SEMA5A: variants seen among roughly 807,000 people sequenced by gnomAD.
SEMA5A encodes semaphorin 5A, also known as semaphorin-5A.
Under a neutral mutation model 135.5 loss-of-function variants are expected in SEMA5A, and 55 were observed. The ratio of observed to expected loss-of-function variants is 0.41; its 90% CI spans 0.33 to 0.51. The LOEUF is 0.51. Among genes scored for constraint, SEMA5A ranks in the 20% least tolerant of loss-of-function variants. SEMA5A has a pLI of 0.37. For synonymous variants in SEMA5A, 580 were observed against 546.5 expected (o/e 1.06, Z -0.85); for missense variants, 1,290 against 1,419.9 (o/e 0.91, Z 1.47).
chr5:9,264,747 C>T (rs1356939807), intron 5 of SEMA5A, among the ~76,000 whole-genome samples: 3 of 152,296 alleles, frequency 2.0e-5, no homozygotes, highest in East Asian at 1.9e-4. Flanking sequence ...AAAGGAAGCA[C>T]ATCTCTGTTT....
At chr5:9,118,588 C>T (rs1740641561) in intron 15 of SEMA5A, among the ~76,000 whole-genome samples, 2 of 152,144 alleles carry the variant, frequency 1.3e-5, no homozygotes, top group African/African-American at 4.8e-5. Flanking sequence ...AACCCTACCG[C>T]ACCTGCCCAG....
chr5:9,177,060 T>C (rs1744244563), intron 11 of SEMA5A, among the ~76,000 whole-genome samples: 1 of 152,224 alleles, frequency 6.6e-6, no homozygotes, highest in Non-Finnish European at 1.5e-5. Flanking sequence ...ACCCAGCATG[T>C]GGGTGCCACT....
chr5:9,250,118 G>A (rs1748695387), intron 5 of SEMA5A, among the ~76,000 whole-genome samples: 1 of 152,186 alleles, frequency 6.6e-6, no homozygotes, highest in Non-Finnish European at 1.5e-5. Context: ...CAGTGTGGCT[G>A]TAGTGGTGAA....
Position 9,042,610 on chromosome 5 carries a change from T to A in SEMA5A, c.*287A>T. On this transcript the variant is annotated 3_prime_UTR_variant, in exon 23 of 23. Transcript: ENST00000382496. ...TGTGGGTGGCACATTTATAAAATAATGCTCAAAAAACAAACCAATGGACTT... is the reference window on the plus strand; with the variant it reads ...TGTGGGTGGCACATTTATAAAATAAAGCTCAAAAAACAAACCAATGGACTT... 1 of 358,006 alleles carries A rather than the reference T, an allele frequency of 2.8e-6. No homozygotes were observed. Among genetic ancestry groups the A allele is most frequent in the South Asian group, 3.1e-5 (1 of 31,766 alleles). 22.2% of individuals were successfully genotyped at this position (358,006 alleles called of 1,614,324 possible).
chr5:9,053,110 T>A (rs532995741), intron 19 of SEMA5A, among the ~76,000 whole-genome samples: 1 of 152,344 alleles, frequency 6.6e-6, no homozygotes, highest in South Asian at 2.1e-4. Context: ...TGTGTTTCAA[T>A]GTCAAAGTTA....
intron 18 of SEMA5A, among the ~76,000 whole-genome samples, chr5:9,061,105 T>C (rs1416436175): frequency 6.6e-6 from 1 of 151,760 alleles, no homozygotes; most frequent in Non-Finnish European, 1.5e-5. Flanking sequence ...CCTTGGTGGA[T>C]ATAGCCACTG....
chr5:9,208,374 C>T (rs970400352), intron 8 of SEMA5A, among the ~76,000 whole-genome samples: 3 of 152,194 alleles, frequency 2.0e-5, no homozygotes, highest in African/African-American at 7.2e-5. Flanking sequence ...CATTTCCTCA[C>T]TGCCTCAAGG....
At chr5:9,246,889 C>T (rs1164834430) in intron 5 of SEMA5A, among the ~76,000 whole-genome samples, 1 of 152,138 alleles carries the variant, frequency 6.6e-6, no homozygotes, top group African/African-American at 2.4e-5. Flanking sequence ...CAGTTAACTA[C>T]TGACAATAAT....
chr5:9,054,884 T>C (rs573854698), intron 18 of SEMA5A, among the ~76,000 whole-genome samples: 119 of 152,266 alleles, frequency 7.8e-4, no homozygotes, highest in Middle Eastern at 3.4e-3. Flanking sequence ...TAAATGACTA[T>C]AGAGAGGAAT....
At chr5:9,338,214 G>C (rs1272229169) in intron 3 of SEMA5A, among the ~76,000 whole-genome samples, 1 of 152,090 alleles carries the variant, frequency 6.6e-6, no homozygotes, top group Admixed American at 6.6e-5. Flanking sequence ...TATTACAAAA[G>C]CCTCCTTAGG....
At chr5:9,144,286 G>T (rs1463963668) in intron 12 of SEMA5A, among the ~76,000 whole-genome samples, 1 of 152,166 alleles carries the variant, frequency 6.6e-6, no homozygotes, top group African/African-American at 2.4e-5. Context: ...ACACTTCTGT[G>T]AAATAGGGTT....
intron 1 of SEMA5A, among the ~76,000 whole-genome samples, chr5:9,497,833 C>T (rs1032178370): frequency 2.6e-5 from 4 of 152,164 alleles, no homozygotes; most frequent in African/African-American, 7.2e-5. Context: ...GCACATTTCC[C>T]GTTAGTCCCT....
intron 1 of SEMA5A, among the ~76,000 whole-genome samples, chr5:9,513,443 C>T (rs1736330200): frequency 6.6e-6 from 1 of 152,060 alleles, no homozygotes; most frequent in Non-Finnish European, 1.5e-5. Context: ...ATGTGCACAG[C>T]TTATACAGTG....
chr5:9,366,713 T>C (rs1488103812), intron 3 of SEMA5A, among the ~76,000 whole-genome samples: 5 of 152,198 alleles, frequency 3.3e-5, no homozygotes, highest in African/African-American at 1.2e-4. Flanking sequence ...ATTGTGTTGT[T>C]GTTTGAGGAT....
rs567833961 is a variant in SEMA5A, at chr5:9,391,230, C to T, written c.-77-11207G>A. On this transcript the variant is annotated intron_variant, in intron 2 of 22. Transcript: ENST00000382496. Reference sequence around the variant, plus strand: ...GCAGCATCATTCACTGACCCTGGGACCAGAGACCTCACTGACCAGGATTTA... The same window carrying T: ...GCAGCATCATTCACTGACCCTGGGATCAGAGACCTCACTGACCAGGATTTA... Among the ~76,000 whole-genome samples, 15 of 152,276 alleles carry T rather than the reference C, an allele frequency of 9.9e-5. 1 individual carries two copies. The highest frequency in any genetic ancestry group is 3.4e-4 in the African/African-American group (14 of 41,536).
chr5:9,306,470 TA>T (rs1751877203), intron 5 of SEMA5A, among the ~76,000 whole-genome samples: 1 of 152,118 alleles, frequency 6.6e-6, no homozygotes, highest in Non-Finnish European at 1.5e-5. Context: ...TATTTGTTTT[TA>T]AAAAATTATA....
Position 9,225,150 on chromosome 5 carries a change from A to C in SEMA5A, c.433-263T>G, listed in dbSNP as rs550534349. 6.0e-4 allele frequency among the ~76,000 whole-genome samples: 91 copies of C among 152,300 alleles called. 1 individual carries two copies. In the South Asian group the frequency reaches 0.018, roughly 30 times the overall value. On this transcript the variant is annotated intron_variant, in intron 7 of 22. Transcript: ENST00000382496. ...CTGAATACTCACAAAATAAGAAATA[A>C]GATCATTGTATATATGCCTTTGATT...
At chr5:9,268,273 C>T (rs979395608) in intron 5 of SEMA5A, among the ~76,000 whole-genome samples, 1 of 152,016 alleles carries the variant, frequency 6.6e-6, no homozygotes, top group African/African-American at 2.4e-5. Context: ...TTTAACACAT[C>T]GATAAAAATA....
chr5:9,058,354 T>A (rs1315517900), intron 18 of SEMA5A, among the ~76,000 whole-genome samples: 1 of 151,838 alleles, frequency 6.6e-6, no homozygotes, highest in East Asian at 1.9e-4. Flanking sequence ...CAAGCACAGG[T>A]TAGGGCTTCC....
Sources: allele counts gnomAD v4.1 joint callset (sites outside exome capture counted in the v4.1 genomes callset), GRCh38; gene constraint gnomAD v4.1.1; transcripts MANE v1.5; gene names NCBI Gene and HGNC (gene_info 2026-07-23, HGNC 2026-07-21).